GTF3C1: variants seen among roughly 807,000 people sequenced by gnomAD.
The protein encoded by GTF3C1 is general transcription factor IIIC subunit 1.
Under a neutral mutation model 226.7 loss-of-function variants are expected in GTF3C1, and 57 were observed. The ratio of observed to expected loss-of-function variants is 0.25; its 90% CI spans 0.20 to 0.31. The LOEUF (loss-of-function observed/expected upper bound fraction) is 0.31. Among genes scored for constraint, GTF3C1 ranks in the 10% least tolerant of loss-of-function variants. The pLI, the probability that GTF3C1 is intolerant of heterozygous loss-of-function variation, is 1.00. For synonymous variants in GTF3C1, 1,090 were observed against 1,084.8 expected, an observed-to-expected ratio of 1.00 and a Z score of -0.09; for missense variants, 2,217 against 2,776.1, an observed-to-expected ratio of 0.80 and a Z score of 4.53.
chr16:27,461,840 A>T lies in GTF3C1; in HGVS notation c.6118-278T>A. On this transcript the variant is annotated intron_variant, in intron 36 of 36. Transcript: ENST00000356183. This position sits in a 1 kb window ranked among gnomAD's most constrained non-coding sequence, Gnocchi z 5.3. ...AGGAGAGGCCTGCAGCGCGGGATAA[A>T]TCCCAGCTTCCTGTGAGCCAAGACT... The T allele has an allele frequency of 6.6e-6, 3 of 455,798 alleles. No homozygotes were observed. In the South Asian group the frequency reaches 1.1e-4, roughly 16 times the overall value. The allele number at this position is 455,798 out of a possible 1,614,324, so 28.2% of individuals were successfully genotyped here. A position where few individuals can be genotyped will look rare whatever the true frequency, so the allele number is the denominator to read the frequency against.
intron 6 of GTF3C1, among the ~76,000 whole-genome samples, chr16:27,527,322 C>A (rs962797757): frequency 6.6e-6 from 1 of 152,214 alleles, no homozygotes; most frequent in African/African-American, 2.4e-5. Context: ...GCTGGGATTA[C>A]AGGCGTGTGC....
At position 27,517,756 on chromosome 16, in the gene GTF3C1, T is replaced by A. The variant is rs74581915; in HGVS notation, c.974-5855A>T. 9.8e-3 allele frequency among the ~76,000 whole-genome samples: 1,492 copies of A among 152,314 alleles called. 30 individuals are homozygous for A. The highest frequency in any genetic ancestry group is 0.034 in the African/African-American group (1,393 of 41,562). On this transcript the variant is annotated intron_variant, in intron 6 of 36. Coordinates refer to ENST00000356183, the MANE Select transcript of GTF3C1 (RefSeq NM_001520.4). ...AGTATGAGCCAGCCATTGTGTTCGG[T>A]GTTTTCGGAAGTGATTTTACTTACT...
chr16:27,517,520 C>T (rs1266335495), intron 6 of GTF3C1, among the ~76,000 whole-genome samples: 2 of 152,190 alleles, frequency 1.3e-5, no homozygotes, highest in African/African-American at 4.8e-5. Flanking sequence ...GCTTTCTTCC[C>T]AGGAACAAAA....
chr16:27,504,844 T>A (rs2088459664), intron 10 of GTF3C1, among the ~76,000 whole-genome samples: 1 of 152,014 alleles, frequency 6.6e-6, no homozygotes, highest in South Asian at 2.1e-4. Flanking sequence ...AGCAGGAGGA[T>A]CACTTGAGCT....
At chr16:27,502,427 T>C (rs1036686065) in intron 11 of GTF3C1, among the ~76,000 whole-genome samples, 22 of 152,262 alleles carry the variant, frequency 1.4e-4, no homozygotes, top group African/African-American at 4.8e-4. Context: ...TCTACTTGTG[T>C]CTCTTGTTTT....
At chr16:27,468,715 A>G (rs1163761694) in intron 32 of GTF3C1, among the ~76,000 whole-genome samples, 1 of 152,224 alleles carries the variant, frequency 6.6e-6, no homozygotes, top group African/African-American at 2.4e-5. Context: ...TGGGCAACAT[A>G]GCGAGTCCCC....
chr16:27,487,514 T>C (rs1204331223), intron 23 of GTF3C1, among the ~76,000 whole-genome samples: 1 of 152,244 alleles, frequency 6.6e-6, no homozygotes, highest in Middle Eastern at 3.2e-3. Context: ...GCTGCAGGCT[T>C]ACACGACTCC....
chr16:27,478,566 A>G (rs2087989765), intron 27 of GTF3C1, 35 bp from the exon 28 acceptor site: 1 of 1,449,854 alleles, frequency 6.9e-7, no homozygotes, highest in South Asian at 1.1e-5. Flanking sequence ...TCAGTGAAAC[A>G]AAACAGCTCC....
In GTF3C1 at chr16:27,506,938, G is replaced by A. The variant is rs1019701072; in HGVS notation, c.1461C>T (p.Ser487=). 7 of 1,613,772 alleles carry A rather than the reference G, an allele frequency of 4.3e-6. No homozygotes were observed. The highest frequency in any genetic ancestry group is 5.1e-6 in the Non-Finnish European group (6 of 1,179,862). The part of the protein sequence containing the change: ...ESDSEEERSS[S]KRRGRGSQKD... ...TCTGGGACCCTCTGCCTCTCCGCTT[G>A]CTGCTGCTCCTCTCCTCCTCACTGT... Residue 487 remains serine, a synonymous_variant, in exon 9 of 37, where the codon AGC becomes AGT. Coordinates refer to ENST00000356183, the MANE Select transcript of GTF3C1 (RefSeq NM_001520.4).
chr16:27,532,316 C>T (rs552933959), intron 5 of GTF3C1, among the ~76,000 whole-genome samples: 85 of 152,270 alleles, frequency 5.6e-4, no homozygotes, highest in African/African-American at 1.9e-3. Flanking sequence ...AGAACTCCAT[C>T]GATGCAACGT....
chr16:27,549,879 C>T lies in GTF3C1; in HGVS notation c.12G>A (p.Leu4=), dbSNP rs148200981. The T allele has an allele frequency of 1.6e-4, 252 of 1,611,572 alleles. 1 individual carries two copies. In the East Asian group the frequency reaches 5.2e-3, roughly 33 times the overall value. The change falls in exon 1 of 37, where the codon CTG becomes CTA. Residue 4 remains leucine, a synonymous_variant. Transcript: ENST00000356183. The part of the protein sequence containing the change: MDA[L]ESLLDEVALE... ...GAGCGACTTCGTCCAACAACGACTC[C>T]AGCGCGTCCATTGCTACTTCAGTCG...
At position 27,497,672 on chromosome 16, in the gene GTF3C1, C is replaced by T; in HGVS notation, c.2315G>A (p.Gly772Asp). 1.9e-6 allele frequency: 3 copies of T among 1,613,888 alleles called. No homozygotes were observed. Among genetic ancestry groups the T allele is most frequent in the Non-Finnish European group, 2.5e-6 (3 of 1,179,794 alleles). ...GRMKKSDNKM[G>D]ITPLRNYHPI... ...GTGATAATTTCTAAGCGGGGTTATG[C>T]CCATTTTATTATCACTTTTTTTCAT... The change falls in exon 14 of 37, where the codon GGC becomes GAC. Residue 772 changes from glycine to aspartate, a missense_variant. Transcript: ENST00000356183.
At chr16:27,499,502 T>C (rs1161664396) in intron 12 of GTF3C1, among the ~76,000 whole-genome samples, 1 of 152,148 alleles carries the variant, frequency 6.6e-6, no homozygotes, top group African/African-American at 2.4e-5. Context: ...TGTCTGAGCA[T>C]CCACTCTGGC....
Position 27,494,913 on chromosome 16 carries a change from G to GA in GTF3C1, c.2633-6dup, listed in dbSNP as rs758132113. Reference sequence around the variant, plus strand: ...ACGAGGCATCGTCGACATACACTAGGAAAAAAACGCACGGTTACCCCCGGC... The same window carrying GA: ...ACGAGGCATCGTCGACATACACTAGGAAAAAAAACGCACGGTTACCCCCGGC... On this transcript the variant is annotated splice_region_variant and splice_polypyrimidine_tract_variant and intron_variant, in intron 15 of 36. Transcript: ENST00000356183. The GA allele has an allele frequency of 1.9e-6, 3 of 1,611,278 alleles. No homozygotes were observed. The highest frequency in any genetic ancestry group is 8.5e-7 in the Non-Finnish European group (1 of 1,178,344).
Position 27,493,194 on chromosome 16 carries a change from C to T in GTF3C1, c.2876+5G>A. 1 of 1,551,768 alleles carries T rather than the reference C, an allele frequency of 6.4e-7. No individual in the cohort carries two copies. The highest frequency in any genetic ancestry group is 8.9e-7 in the Non-Finnish European group (1 of 1,123,060). ...ACTACTCTGGGTCAGGTTCAATGGC[C>T]TCACCTCTTGTACAGAAGCTGCTGC... On this transcript the variant is annotated splice_donor_5th_base_variant and intron_variant, in intron 17 of 36. Coordinates refer to ENST00000356183, the MANE Select transcript of GTF3C1 (RefSeq NM_001520.4).
chr16:27,475,126 G>A (rs533710031), intron 29 of GTF3C1, among the ~76,000 whole-genome samples: 45 of 152,340 alleles, frequency 3.0e-4, no homozygotes, highest in African/African-American at 8.7e-4. Flanking sequence ...CACGTGCAGC[G>A]CCCCGCCAGG....
chr16:27,479,775 C>T (rs577371851), intron 27 of GTF3C1, among the ~76,000 whole-genome samples: 20 of 152,270 alleles, frequency 1.3e-4, no homozygotes, highest in African/African-American at 4.3e-4. Flanking sequence ...TGGCTTGGAA[C>T]CATTTTCTAT....
In GTF3C1 at chr16:27,501,876, G is replaced by A. The variant is rs367711748; in HGVS notation, c.1908-532C>T. Among the ~76,000 whole-genome samples, 52 of 152,294 alleles carry A rather than the reference G, an allele frequency of 3.4e-4. 1 individual carries two copies. The highest frequency in any genetic ancestry group is 1.1e-3 in the African/African-American group (46 of 41,568). On this transcript the variant is annotated intron_variant, in intron 11 of 36. Transcript: ENST00000356183. ...CCAGCACTTTGGGAAGCCGAGACAG[G>A]CAGATCACTTGAGGTCAGGAGTTCG...
rs773870186 is a variant in GTF3C1 at position 27,492,579 on chromosome 16, A to G, written c.2973+38T>C. On this transcript the variant is annotated intron_variant, in intron 18 of 36. Coordinates refer to ENST00000356183, the MANE Select transcript of GTF3C1 (RefSeq NM_001520.4). The surrounding 1 kb of genome is among the most constrained non-coding windows in gnomAD (Gnocchi z 5.0). ...TCTGGCTGCTTGGAGACCGTTTAAC[A>G]ATCAGAATTTCCTTCGTTTGGGCTT... The G allele has an allele frequency of 7.8e-6, 12 of 1,546,878 alleles. No individual in the cohort carries two copies. The African/African-American group carries it at 1.1e-4, about 14-fold the overall frequency.
Sources: allele counts gnomAD v4.1 joint callset (sites outside exome capture counted in the v4.1 genomes callset), GRCh38; gene constraint gnomAD v4.1.1; non-coding constraint Gnocchi (gnomAD v3.1); transcripts MANE v1.5; gene names NCBI Gene and HGNC (gene_info 2026-07-23, HGNC 2026-07-21).